JARID2: variants seen among roughly 807,000 people sequenced by gnomAD.
The protein encoded by JARID2 is protein Jumonji.
A neutral mutation model predicts 125.6 loss-of-function variants in JARID2; 21 were observed. That is an observed-to-expected ratio of 0.17 (90% confidence interval 0.12 to 0.24). The LOEUF (loss-of-function observed/expected upper bound fraction) is 0.24. JARID2 is among the 10% of genes least tolerant of loss of function. The pLI is 1.00. For synonymous variants in JARID2, 736 were observed against 661.6 expected (o/e 1.11, Z -1.73); for missense variants, 1,303 against 1,639.6 (o/e 0.79, Z 3.55).
chr6:15,418,728 T>A (rs1766352078), intron 3 of JARID2, among the ~76,000 whole-genome samples: 1 of 151,934 alleles, frequency 6.6e-6, no homozygotes, highest in South Asian at 2.1e-4. Flanking sequence ...TAGATTGAAT[T>A]TTGAATGTAA....
intron 8 of JARID2, among the ~76,000 whole-genome samples, chr6:15,501,812 G>C (rs980307510): frequency 3.3e-5 from 5 of 152,138 alleles, no homozygotes; most frequent in Non-Finnish European, 5.9e-5. Flanking sequence ...TGTGCGTGTT[G>C]CATGCACGTG....
chr6:15,465,743 C>T (rs1182265427), intron 4 of JARID2, among the ~76,000 whole-genome samples: 1 of 152,000 alleles, frequency 6.6e-6, no homozygotes, highest in African/African-American at 2.4e-5. Context: ...CTCTTTGAAT[C>T]TTAGAATATT....
chr6:15,278,773 A>G (rs1760637976), intron 1 of JARID2, among the ~76,000 whole-genome samples: 2 of 151,888 alleles, frequency 1.3e-5, no homozygotes, highest in South Asian at 4.2e-4. Context: ...GTTTGGGTGG[A>G]AATTGTCCAG....
intron 4 of JARID2, among the ~76,000 whole-genome samples, chr6:15,465,625 A>C (rs1434207504): frequency 6.6e-6 from 1 of 151,000 alleles, no homozygotes; most frequent in Non-Finnish European, 1.5e-5. Flanking sequence ...TATTTGCTTC[A>C]TGCTGCTTCT....
rs200935669 is a variant in JARID2, at chr6:15,501,422, G to A, written c.2448+13G>A. ...GTGCATCTATAAGGTAGGGGCCTCC[G>A]CAGAGCAGCCACTCCCAGCTGCAGG... is the stretch of plus-strand genomic sequence containing the variant. On this transcript the variant is annotated intron_variant, in intron 8 of 17. Transcript: ENST00000341776. 74 of 1,519,688 alleles carry A rather than the reference G, an allele frequency of 4.9e-5. No individual in the cohort carries two copies. In the Admixed American group the frequency reaches 1.0e-3, roughly 21 times the overall value. 94.1% of individuals were successfully genotyped at this position (1,519,688 alleles called of 1,614,324 possible).
chr6:15,390,977 G>A (rs2237156), intron 2 of JARID2, among the ~76,000 whole-genome samples: 65,972 of 151,966 alleles, frequency 0.43, 14,424 homozygotes, highest in East Asian at 0.55. Flanking sequence ...GTATTCTTAC[G>A]ATGAATGCAG....
intron 16 of JARID2, among the ~76,000 whole-genome samples, chr6:15,514,116 C>T (rs1195688633): frequency 6.6e-6 from 1 of 152,212 alleles, no homozygotes; most frequent in Non-Finnish European, 1.5e-5. Context: ...CCCTGCTCAC[C>T]CCTGTTCCAG....
intron 5 of JARID2, among the ~76,000 whole-genome samples, chr6:15,469,877 G>C (rs553216875): frequency 1.3e-5 from 2 of 152,082 alleles, no homozygotes; most frequent in African/African-American, 2.4e-5. Flanking sequence ...GGGGGAATGA[G>C]AGTAAGAAAA....
At chr6:15,399,519 G>GTA (rs903337858) in intron 2 of JARID2, among the ~76,000 whole-genome samples, 7 of 152,054 alleles carry the variant, frequency 4.6e-5, no homozygotes, top group East Asian at 1.9e-4. Context: ...TTATGTACAT[G>GTA]TATATATATA....
At chr6:15,342,745 G>A (rs1763110321) in intron 1 of JARID2, among the ~76,000 whole-genome samples, 2 of 152,054 alleles carry the variant, frequency 1.3e-5, no homozygotes, top group Non-Finnish European at 2.9e-5. Context: ...TATTCAACTA[G>A]CTTCTTCTTC....
chr6:15,420,216 A>C (rs148336771), intron 3 of JARID2, among the ~76,000 whole-genome samples: 1 of 152,166 alleles, frequency 6.6e-6, no homozygotes, highest in Admixed American at 6.5e-5. Context: ...CTTCCTGGCC[A>C]ACATGGTGAA....
intron 5 of JARID2, among the ~76,000 whole-genome samples, chr6:15,486,567 G>A (rs1747005361): frequency 6.6e-6 from 1 of 152,214 alleles, no homozygotes; most frequent in African/African-American, 2.4e-5. Context: ...GAGGCTCAAT[G>A]TACTTCAGGA....
chr6:15,253,231 AT>A (rs1192574045), intron 1 of JARID2, among the ~76,000 whole-genome samples: 1 of 151,896 alleles, frequency 6.6e-6, no homozygotes, highest in African/African-American at 2.4e-5. Flanking sequence ...CACCCGGCTC[AT>A]TTTTGTATTT....
chr6:15,399,724 A>G (rs1765352771), intron 2 of JARID2, among the ~76,000 whole-genome samples: 1 of 152,216 alleles, frequency 6.6e-6, no homozygotes, highest in Non-Finnish European at 1.5e-5. Context: ...ATTAGAACCC[A>G]GAAGGTCCTC....
At chr6:15,514,123 C>T (rs2127768135) in intron 16 of JARID2, among the ~76,000 whole-genome samples, 1 of 152,248 alleles carries the variant, frequency 6.6e-6, no homozygotes, top group African/African-American at 2.4e-5. Flanking sequence ...CACCCCTGTT[C>T]CAGCCCAGAG....
intron 1 of JARID2, among the ~76,000 whole-genome samples, chr6:15,298,407 C>T (rs762013485): frequency 5.3e-5 from 8 of 151,906 alleles, no homozygotes; most frequent in African/African-American, 1.5e-4. Context: ...GGTATCTTTT[C>T]GGGCTCGGTG....
intron 1 of JARID2, among the ~76,000 whole-genome samples, chr6:15,317,769 C>T (rs1383386407): frequency 6.6e-6 from 1 of 152,196 alleles, no homozygotes; most frequent in African/African-American, 2.4e-5. Context: ...CCACACCCTT[C>T]ATCTTCAGGG....
intron 17 of JARID2, among the ~76,000 whole-genome samples, 174 bp downstream of exon 17, chr6:15,517,442 C>T (rs1326338861): frequency 1.3e-5 from 2 of 152,206 alleles, no homozygotes; most frequent in Non-Finnish European, 2.9e-5. Flanking sequence ...ATGTTAGGAT[C>T]CCAGGGGGAG....
rs771371804 is a variant in JARID2 at position 15,310,026 on chromosome 6, T to TTTG, written c.45+63446_45+63448dup. On this transcript the variant is annotated intron_variant, in intron 1 of 17. Transcript: ENST00000341776. ...AGGAAGCAGCAGGAAAACAGATTGCTTTGTTGCTTTAAGGCTGTGGATTTT... is the reference window on the plus strand; with the variant it reads ...AGGAAGCAGCAGGAAAACAGATTGCTTTGTTGTTGCTTTAAGGCTGTGGATTTT... Among the ~76,000 whole-genome samples, 70 of 152,298 alleles carry TTTG rather than the reference T, an allele frequency of 4.6e-4. 1 individual carries two copies. Among genetic ancestry groups the TTTG allele is most frequent in the Non-Finnish European group, 2.9e-4 (20 of 68,022 alleles).
Sources: allele counts gnomAD v4.1 joint callset (sites outside exome capture counted in the v4.1 genomes callset), GRCh38; gene constraint gnomAD v4.1.1; transcripts MANE v1.5; gene names NCBI Gene and HGNC (gene_info 2026-07-23, HGNC 2026-07-21).